USP34: variants seen among roughly 807,000 people sequenced by gnomAD.
The protein encoded by USP34 is ubiquitin carboxyl-terminal hydrolase 34.
USP34 carries 70 observed loss-of-function variants against 460.3 expected under a neutral mutation model. The ratio of observed to expected loss-of-function variants is 0.15; its 90% CI spans 0.13 to 0.19. The LOEUF is 0.19. USP34 is among the 10% of genes least tolerant of loss of function. USP34 has a pLI of 1.00. For missense variants in USP34, 3,985 were observed against 4,236.2 expected, an observed-to-expected ratio of 0.94 and a Z score of 1.65; for synonymous variants, 1,647 against 1,405.3, an observed-to-expected ratio of 1.17 and a Z score of -3.85.
intron 15 of USP34, among the ~76,000 whole-genome samples, chr2:61,347,062 C>T (rs1481198284): frequency 6.6e-6 from 1 of 151,846 alleles, no homozygotes; most frequent in Non-Finnish European, 1.5e-5. Flanking sequence ...ATTGTTTGAG[C>T]CTGGGAAGTG....
Position 61,288,895 on chromosome 2 carries a change from T to TAGTCA in USP34, c.4549-23_4549-19dup, listed in dbSNP as rs1558511496. On this transcript the variant is annotated intron_variant, in intron 33 of 79. Transcript: ENST00000398571. ...AGCTGCCACTGTAAATGAGAAGAAA[T>TAGTCA]AGTCAATTCCCTATTTTCATTAATT... 1 of 1,608,742 alleles carries TAGTCA rather than the reference T, an allele frequency of 6.2e-7. No homozygotes were observed. The highest frequency in any genetic ancestry group is 1.3e-5 in the African/African-American group (1 of 74,970).
chr2:61,425,519 T>C lies in USP34; in HGVS notation c.44-4686A>G, dbSNP rs139745201. ...TGTGAGAGCAGAAAAGAAAACCAGA[T>C]CAAACCCAGGTGACTCCCACCCAGG... On this transcript the variant is annotated intron_variant, in intron 1 of 79. Transcript: ENST00000398571. Among the ~76,000 whole-genome samples, 416 of 151,736 alleles carry C rather than the reference T, an allele frequency of 2.7e-3. 1 individual carries two copies. Among genetic ancestry groups the C allele is most frequent in the African/African-American group, 9.4e-3 (387 of 41,360 alleles).
intron 21 of USP34, among the ~76,000 whole-genome samples, chr2:61,321,598 G>C (rs1185104534): frequency 6.6e-6 from 1 of 152,130 alleles, no homozygotes; most frequent in Non-Finnish European, 1.5e-5. Flanking sequence ...AATATAGCCA[G>C]AAACACAAAG....
At chr2:61,293,709 T>C (rs1689931500) in intron 32 of USP34, among the ~76,000 whole-genome samples, 159 bp from the exon 33 acceptor site, 1 of 152,182 alleles carries the variant, frequency 6.6e-6, no homozygotes, top group South Asian at 2.1e-4. Flanking sequence ...AATAATAAGA[T>C]AAAGGCTACT....
At chr2:61,304,781 G>T (rs904889979) in intron 27 of USP34, among the ~76,000 whole-genome samples, 3 of 152,192 alleles carry the variant, frequency 2.0e-5, no homozygotes, top group African/African-American at 7.2e-5. Context: ...ACACATTAAT[G>T]TTGACTATTA....
intron 2 of USP34, among the ~76,000 whole-genome samples, chr2:61,413,444 C>T (rs1293973415): frequency 6.7e-6 from 1 of 148,158 alleles, no homozygotes; most frequent in African/African-American, 2.5e-5. Flanking sequence ...GAGTGGCTCA[C>T]GCCTGTAATC....
intron 33 of USP34, among the ~76,000 whole-genome samples, chr2:61,291,297 A>G (rs1005396076): frequency 6.6e-6 from 1 of 152,176 alleles, no homozygotes; most frequent in African/African-American, 2.4e-5. Flanking sequence ...GACACTAACA[A>G]GTCTTGGAAA....
At chr2:61,253,195 A>G (rs544114563) in intron 48 of USP34, among the ~76,000 whole-genome samples, 8 of 152,342 alleles carry the variant, frequency 5.3e-5, no homozygotes, top group South Asian at 4.1e-4. Flanking sequence ...AACAAAAATG[A>G]CTGACTACCT....
intron 2 of USP34, among the ~76,000 whole-genome samples, chr2:61,411,947 T>G (rs1281338854): frequency 3.9e-5 from 6 of 151,926 alleles, no homozygotes; most frequent in Non-Finnish European, 7.4e-5. Context: ...CCCAGCACTT[T>G]GGGAGGCTGA....
At chr2:61,385,473 C>T (rs1693109590) in intron 5 of USP34, among the ~76,000 whole-genome samples, 2 of 151,210 alleles carry the variant, frequency 1.3e-5, no homozygotes, top group African/African-American at 4.9e-5. Flanking sequence ...AGATCGAGAC[C>T]ATCCTGGCTA....
chr2:61,387,793 TA>T (rs994916574), intron 5 of USP34, among the ~76,000 whole-genome samples: 8 of 149,176 alleles, frequency 5.4e-5, no homozygotes, highest in South Asian at 4.2e-4. Context: ...TACACACATG[TA>T]AAAATATATT....
At chr2:61,292,352 T>G (rs1197354542) in intron 33 of USP34, among the ~76,000 whole-genome samples, 1 of 152,184 alleles carries the variant, frequency 6.6e-6, no homozygotes, top group African/African-American at 2.4e-5. Context: ...GCAATTTCTA[T>G]CTTAGACATG....
At chr2:61,361,306 A>C (rs1475017921) in intron 10 of USP34, among the ~76,000 whole-genome samples, 1 of 152,168 alleles carries the variant, frequency 6.6e-6, no homozygotes, top group Non-Finnish European at 1.5e-5. Flanking sequence ...TTGTAGTCCT[A>C]GCTATTTTGA....
rs1286535019 is a variant in USP34 at position 61,256,897 on chromosome 2, T to C, written c.6102A>G (p.Gln2034=). The change falls in exon 47 of 80, where the codon CAA becomes CAG. Residue 2034 remains glutamine, a synonymous_variant. Transcript: ENST00000398571. ...TAEEFYTVRC[Q]VADMKNIYES... ...CATAAATGTTCTTCATATCAGCCAC[T>C]TGGCACCTCACAGTATAAAACTCTT... is the stretch of plus-strand genomic sequence containing the variant. 4.5e-6 allele frequency: 7 copies of C among 1,567,870 alleles called. No individual in the cohort carries two copies. The African/African-American group carries it at 6.8e-5, about 15-fold the overall frequency.
chr2:61,421,753 A>G (rs1694363453), intron 1 of USP34, among the ~76,000 whole-genome samples: 1 of 151,532 alleles, frequency 6.6e-6, no homozygotes, highest in Admixed American at 6.6e-5. Flanking sequence ...CCAAATATAT[A>G]TGAGGTTAGT....
Position 61,405,755 on chromosome 2 carries a change from A to G in USP34, c.505T>C (p.Phe169Leu). ...LCVAKIFQIQ[F>L]PLYTAYKHNT... ...TGCTTGTAAGCAGTATATAAGGGAA[A>G]CTGAATTTGAAAAATTTTTGCCACA... The change falls in exon 3 of 80, where the codon TTT (phenylalanine) becomes CTT (leucine). Residue 169 changes from phenylalanine (F) to leucine (L), a missense_variant. Phe to Leu is a conservative substitution (Grantham distance 22). Coordinates refer to ENST00000398571, the MANE Select transcript of USP34 (RefSeq NM_014709.4). The G allele has an allele frequency of 6.3e-7, 1 of 1,598,436 alleles. No individual in the cohort carries two copies. The highest frequency in any genetic ancestry group is 8.5e-7 in the Non-Finnish European group (1 of 1,174,774).
chr2:61,319,671 G>A (rs372286270), intron 21 of USP34, among the ~76,000 whole-genome samples: 8 of 151,700 alleles, frequency 5.3e-5, no homozygotes, highest in East Asian at 1.9e-4. Context: ...ATGGTGAAAC[G>A]CTGCCTCTAT....
intron 1 of USP34, among the ~76,000 whole-genome samples, chr2:61,464,468 C>G (rs2104111825): frequency 6.6e-6 from 1 of 152,292 alleles, no homozygotes; most frequent in Non-Finnish European, 1.5e-5. Flanking sequence ...AACTTTTTCA[C>G]CAAATGGTAT....
At chr2:61,240,599 A>C (rs1048743993) in intron 53 of USP34, among the ~76,000 whole-genome samples, 24 of 136,334 alleles carry the variant, frequency 1.8e-4, no homozygotes, top group Middle Eastern at 5.2e-3. Flanking sequence ...TTTGAGACAG[A>C]GTTTTGCTCT....
Sources: gnomAD v4.1 joint callset for allele counts (sites outside exome capture counted in the v4.1 genomes callset) on GRCh38, gnomAD v4.1.1 for gene constraint, MANE v1.5 for transcripts, NCBI Gene and HGNC (gene_info 2026-07-23, HGNC 2026-07-21) for gene names.